Variants in NLRC3 observed in about 807,000 individuals in gnomAD.
NLRC3 encodes the protein NLR family CARD domain-containing protein 3.
A neutral mutation model predicts 91.6 loss-of-function variants in NLRC3; 87 were observed. The observed-to-expected ratio is 0.95, with a 90% CI of 0.80 to 1.14. NLRC3 has a LOEUF of 1.14. Ranked by LOEUF, NLRC3 falls within the 50% of genes most tolerant of loss-of-function variation. The pLI is 0.00. For synonymous variants in NLRC3, 694 were observed against 625.3 expected (o/e 1.11, Z -1.64); for missense variants, 1,577 against 1,418.6 (o/e 1.11, Z -1.79).
Position 3,564,843 on chromosome 16 carries a change from C to T in NLRC3, c.178+16G>A. ...GGTGTTCCCCACCCCGCGTCTGCCT[C>T]CCAAGCCGGTCCTACCATTGCTGCA... On this transcript the variant is annotated intron_variant, in intron 4 of 19. Coordinates refer to ENST00000359128, the MANE Select transcript of NLRC3 (RefSeq NM_178844.4). The surrounding 1 kb of genome is among the most constrained non-coding windows in gnomAD (Gnocchi z 5.9). 4 of 1,594,552 alleles carry T rather than the reference C, an allele frequency of 2.5e-6. No individual in the cohort carries two copies. Among genetic ancestry groups the T allele is most frequent in the Non-Finnish European group, 3.4e-6 (4 of 1,170,724 alleles).
intron 8 of NLRC3, chr16:3,556,017 T>C (rs1461572729): frequency 6.7e-6 from 1 of 150,270 alleles, no homozygotes; most frequent in Admixed American, 6.6e-5. Flanking sequence ...AGTATAGATA[T>C]AACCACAGGC....
intron 6 of NLRC3, among the ~76,000 whole-genome samples, chr16:3,560,891 C>T (rs753475620): frequency 4.6e-5 from 7 of 151,866 alleles, no homozygotes; most frequent in Non-Finnish European, 8.8e-5. Context: ...GATTTCCTGA[C>T]CTCGTGATCC....
rs1032480426 is a variant in NLRC3 at position 3,553,972 on chromosome 16, C to T, written c.2267+270G>A. Among the ~76,000 whole-genome samples the T allele has an allele frequency of 7.3e-5, 11 of 151,482 alleles. No individual in the cohort carries two copies. In the South Asian group the frequency reaches 1.7e-3, roughly 23 times the overall value. On this transcript the variant is annotated intron_variant, in intron 9 of 19. Transcript: ENST00000359128. The stretch of plus-strand genomic sequence containing the variant: ...ATTTTGGCCCGGCTGGTCTCAAACT[C>T]CTGACTTCAAGTGATCCGCCTGCCT...
chr16:3,565,405 G>A, intron 2 of NLRC3, 25 bp from the exon 3 acceptor site: 1 of 428,422 alleles, frequency 2.3e-6, no homozygotes, highest in South Asian at 1.6e-5. Flanking sequence ...GAGGTTACAA[G>A]TAAGTTTGCT....
intron 9 of NLRC3, among the ~76,000 whole-genome samples, chr16:3,552,644 A>G (rs903748770): frequency 6.6e-6 from 1 of 152,072 alleles, no homozygotes; most frequent in Non-Finnish European, 1.5e-5. Flanking sequence ...CTCCAACCCT[A>G]AGAAACCTCC....
chr16:3,562,826 T>G, intron 5 of NLRC3, 183 bp downstream of exon 5: 1 of 700,998 alleles, frequency 1.4e-6, no homozygotes, highest in Non-Finnish European at 2.6e-6. Context: ...CACCTTGATT[T>G]GAGACTTCTG....
intron 6 of NLRC3, 32 bp downstream of exon 6, chr16:3,561,670 G>C (rs1166116182): frequency 4.1e-6 from 6 of 1,455,240 alleles, no homozygotes; most frequent in Non-Finnish European, 4.8e-6. Context: ...CAAGACCATA[G>C]GCACCCTGGA....
intron 2 of NLRC3, among the ~76,000 whole-genome samples, chr16:3,565,697 C>T (rs2039852748): frequency 6.6e-6 from 1 of 151,914 alleles, no homozygotes; most frequent in African/African-American, 2.4e-5. Context: ...GTGGTGGGTC[C>T]ATGTCATTAT....
chr16:3,548,998 G>A (rs569916242), intron 13 of NLRC3, 144 bp downstream of exon 13: 11 of 701,954 alleles, frequency 1.6e-5, no homozygotes, highest in Middle Eastern at 3.9e-4. Context: ...CTTGCCACCC[G>A]ATGTCAGGTC....
chr16:3,551,754 C>CCCATCCAT (rs147150757), intron 10 of NLRC3, among the ~76,000 whole-genome samples: 3 of 150,158 alleles, frequency 2.0e-5, no homozygotes, highest in African/African-American at 2.5e-5. Context: ...CATCCATTCA[C>CCCATCCAT]CAGTCCTCTC....
At chr16:3,550,595 G>T in intron 10 of NLRC3, 98 bp from the exon 11 acceptor site, 1 of 855,868 alleles carries the variant, frequency 1.2e-6, no homozygotes, top group Non-Finnish European at 2.0e-6. Context: ...GGGAGGGCTG[G>T]CTCTGTTGTC....
intron 15 of NLRC3, 45 bp from the exon 16 acceptor site, chr16:3,544,374 G>A: frequency 7.2e-7 from 1 of 1,385,172 alleles, no homozygotes; most frequent in East Asian, 2.3e-5. Flanking sequence ...GGCACAGGGA[G>A]CATTCTAGCA....
rs2038486335 is a variant in NLRC3 at position 3,542,983 on chromosome 16, A to G, written c.2940-208T>C. On this transcript the variant is annotated intron_variant, in intron 17 of 19. Coordinates refer to ENST00000359128, the MANE Select transcript of NLRC3 (RefSeq NM_178844.4). Reference sequence around the variant, plus strand: ...ACACAGGGGCATGGCTGGCCTAGCCAGGAGGGTTGTTGGAGCCTTCCTCCT... The same window carrying G: ...ACACAGGGGCATGGCTGGCCTAGCCGGGAGGGTTGTTGGAGCCTTCCTCCT... 3 of 570,638 alleles carry G rather than the reference A, an allele frequency of 5.3e-6. No homozygotes were observed. The South Asian group carries it at 6.6e-5, about 13-fold the overall frequency. The allele number at this position is 570,638 out of a possible 1,614,324, so 35.3% of individuals were successfully genotyped here. A position where few individuals can be genotyped will look rare whatever the true frequency, so the allele number is the denominator to read the frequency against.
intron 8 of NLRC3, among the ~76,000 whole-genome samples, chr16:3,555,565 T>C (rs1052684626): frequency 6.6e-6 from 1 of 152,034 alleles, no homozygotes; most frequent in Admixed American, 6.6e-5. Flanking sequence ...AACTGTACAC[T>C]TTAAAACAGT....
intron 15 of NLRC3, among the ~76,000 whole-genome samples, chr16:3,546,268 G>A (rs1038814294): frequency 6.6e-6 from 1 of 151,952 alleles, no homozygotes; most frequent in African/African-American, 2.4e-5. Flanking sequence ...TAAAAAATAA[G>A]TTATATGCTG....
Position 3,543,440 on chromosome 16 carries a change from G to T in NLRC3, c.2924C>A (p.Thr975Asn), listed in dbSNP as rs1446638913. The stretch of plus-strand genomic sequence containing the variant: ...GAATACTTACTCGAGAATCTCCAAG[G>T]TTCTGTTCACAGCCAAGGCTTCCCC... ...VLGEALAVNR[T>N]LEILDLRGNA... Residue 975 changes from threonine to asparagine, a missense_variant, in exon 17 of 20, where the codon ACC becomes AAC. By Grantham distance (65) the Thr-to-Asn change is moderately conservative. Transcript: ENST00000359128. The T allele has an allele frequency of 6.2e-7, 1 of 1,611,674 alleles. No individual in the cohort carries two copies. The highest frequency in any genetic ancestry group is 1.1e-5 in the South Asian group (1 of 90,706).
intron 6 of NLRC3, 48 bp from the exon 7 acceptor site, chr16:3,557,724 C>T (rs2039412217): frequency 2.5e-6 from 3 of 1,184,540 alleles, no homozygotes; most frequent in African/African-American, 3.0e-5. Context: ...ATGCACATCT[C>T]ATGGCCTCTT....
chr16:3,570,386 G>C (rs568500175), intron 1 of NLRC3, among the ~76,000 whole-genome samples: 1 of 152,318 alleles, frequency 6.6e-6, no homozygotes, highest in African/African-American at 2.4e-5. Context: ...TATTTATGGA[G>C]AGCCTGTTGT....
Position 3,563,233 on chromosome 16 carries a change from C to G in NLRC3, c.1704G>C (p.Leu568Phe), listed in dbSNP as rs375741854. The G allele has an allele frequency of 6.2e-7, 1 of 1,604,862 alleles. No individual in the cohort carries two copies. The highest frequency in any genetic ancestry group is 8.5e-7 in the Non-Finnish European group (1 of 1,177,938). ...TGTGCTGCAGCTCATGCAGGCAGTG[C>G]AACACGTTGATGGCCCGTGCACAGA... ...AAVCARAINV[L>F]HCLHELQHTE... The change falls in exon 5 of 20, where the codon TTG (leucine) becomes TTC (phenylalanine). Residue 568 changes from leucine to phenylalanine, a missense_variant. Transcript: ENST00000359128.
Sources: allele counts gnomAD v4.1 joint callset (sites outside exome capture counted in the v4.1 genomes callset), GRCh38; gene constraint gnomAD v4.1.1; non-coding constraint Gnocchi (gnomAD v3.1); transcripts MANE v1.5; gene names NCBI Gene and HGNC (gene_info 2026-07-23, HGNC 2026-07-21).